Variants in GULP1 observed in about 807,000 individuals in gnomAD.
The protein encoded by GULP1 is PTB domain-containing engulfment adapter protein 1.
A neutral mutation model predicts 40.9 loss-of-function variants in GULP1; 19 were observed. The observed-to-expected ratio is 0.46, with a 90% CI of 0.32 to 0.68. The LOEUF (loss-of-function observed/expected upper bound fraction) is 0.68. GULP1 is among the 30% of genes least tolerant of loss of function. The pLI is 0.03. For synonymous variants in GULP1, 119 were observed against 117.6 expected (o/e 1.01, Z -0.08); for missense variants, 312 against 362.2 (o/e 0.86, Z 1.12).
chr2:188,370,006 T>G (rs1041444966), intron 1 of GULP1, among the ~76,000 whole-genome samples: 9 of 152,002 alleles, frequency 5.9e-5, no homozygotes, highest in Admixed American at 5.9e-4. Flanking sequence ...ACACACCTGG[T>G]TAATTTGTTT....
intron 1 of GULP1, among the ~76,000 whole-genome samples, chr2:188,359,456 A>T (rs1298970819): frequency 2.0e-5 from 3 of 152,136 alleles, no homozygotes; most frequent in Non-Finnish European, 4.4e-5. Flanking sequence ...CTATCTAACT[A>T]AGCCAAACTT....
At position 188,314,895 on chromosome 2, in the gene GULP1, C is replaced by G. The variant is rs186759507; in HGVS notation, c.-172+22729C>G. On this transcript the variant is annotated intron_variant, in intron 1 of 11. Transcript: ENST00000409830. ...CTAGCCATCCGTGCTGTCTGTGCTC[C>G]CCACCCATTAGTCACTTAGTAGCCA... Among the ~76,000 whole-genome samples, 198 of 152,208 alleles carry G rather than the reference C, an allele frequency of 1.3e-3. 1 individual carries two copies. Among genetic ancestry groups the G allele is most frequent in the African/African-American group, 4.0e-3 (165 of 41,546 alleles).
At chr2:188,399,434 C>G (rs909915462) in intron 2 of GULP1, among the ~76,000 whole-genome samples, 2 of 152,046 alleles carry the variant, frequency 1.3e-5, no homozygotes. Flanking sequence ...AAAAGACTGC[C>G]TGTACTAGGA....
intron 2 of GULP1, among the ~76,000 whole-genome samples, chr2:188,419,676 A>G (rs2055105000): frequency 6.6e-6 from 1 of 150,890 alleles, no homozygotes; most frequent in East Asian, 1.9e-4. Context: ...CGCATTGTTG[A>G]TTGTTTTCTT....
chr2:188,417,037 T>A (rs2054673918), intron 2 of GULP1, among the ~76,000 whole-genome samples: 1 of 152,198 alleles, frequency 6.6e-6, no homozygotes, highest in Admixed American at 6.5e-5. Flanking sequence ...AAAGTTAAAT[T>A]CCATTATAAA....
At chr2:188,355,385 G>T (rs1396452417) in intron 1 of GULP1, among the ~76,000 whole-genome samples, 1 of 152,016 alleles carries the variant, frequency 6.6e-6, no homozygotes, top group African/African-American at 2.4e-5. Context: ...AGAATCATTA[G>T]AGACTATTAT....
At chr2:188,478,673 T>TTTA (rs2061221509) in intron 3 of GULP1, among the ~76,000 whole-genome samples, 1 of 152,004 alleles carries the variant, frequency 6.6e-6, no homozygotes, top group South Asian at 2.1e-4. Context: ...ATCTAATACT[T>TTTA]TTATCATGAT....
chr2:188,403,512 A>C (rs992316078), intron 2 of GULP1, among the ~76,000 whole-genome samples: 5 of 152,210 alleles, frequency 3.3e-5, no homozygotes, highest in Non-Finnish European at 5.9e-5. Flanking sequence ...GGACTCTTCC[A>C]CTTATACTTC....
intron 2 of GULP1, among the ~76,000 whole-genome samples, chr2:188,395,858 G>A (rs1448169375): frequency 1.3e-5 from 2 of 152,138 alleles, no homozygotes; most frequent in Admixed American, 6.5e-5. Context: ...CAGCTCTGGT[G>A]GGGGTAGCAG....
intron 4 of GULP1, among the ~76,000 whole-genome samples, chr2:188,517,685 G>A (rs1375092723): frequency 1.3e-5 from 2 of 152,092 alleles, no homozygotes; most frequent in Non-Finnish European, 2.9e-5. Context: ...ACATGGAAAC[G>A]TTAACTGTCA....
intron 2 of GULP1, among the ~76,000 whole-genome samples, chr2:188,448,432 A>T (rs1012662855): frequency 6.6e-6 from 1 of 152,226 alleles, no homozygotes; most frequent in South Asian, 2.1e-4. Context: ...TAACAAAATT[A>T]TCTTCCTTTG....
chr2:188,324,665 T>A (rs945499415), intron 1 of GULP1, among the ~76,000 whole-genome samples: 3 of 151,994 alleles, frequency 2.0e-5, no homozygotes, highest in Admixed American at 1.3e-4. Flanking sequence ...CCTCCCTTAT[T>A]AGATGCATGT....
chr2:188,563,167 A>G lies in GULP1; in HGVS notation c.400-6072A>G, dbSNP rs1476572616. Among the ~76,000 whole-genome samples the G allele has an allele frequency of 2.6e-5, 4 of 152,212 alleles. No homozygotes were observed. The East Asian group carries it at 7.7e-4, about 29-fold the overall frequency. ...GTGGAAGGTTAAGAAACACTACAGT[A>G]GAATCAATGACATTGAAATTGGACA... On this transcript the variant is annotated intron_variant, in intron 7 of 11. Transcript: ENST00000409830.
intron 4 of GULP1, among the ~76,000 whole-genome samples, chr2:188,504,991 C>T (rs1164800851): frequency 2.0e-5 from 3 of 149,638 alleles, no homozygotes; most frequent in Non-Finnish European, 4.5e-5. Flanking sequence ...TTTTATCTTT[C>T]TGTATTTTAT....
At chr2:188,547,175 A>G (rs1692183816) in intron 7 of GULP1, among the ~76,000 whole-genome samples, 1 of 151,970 alleles carries the variant, frequency 6.6e-6, no homozygotes, top group Non-Finnish European at 1.5e-5. Flanking sequence ...TAAGAGGGAC[A>G]GAAACACTTT....
chr2:188,568,263 T>A (rs1220501193), intron 7 of GULP1, among the ~76,000 whole-genome samples: 2 of 152,184 alleles, frequency 1.3e-5, no homozygotes, highest in Admixed American at 1.3e-4. Context: ...ATTTTCAATA[T>A]ATATTACTAC....
intron 1 of GULP1, among the ~76,000 whole-genome samples, chr2:188,373,365 TTTTTGGTTCTTTATA>T (rs2047867316): frequency 6.6e-6 from 1 of 151,888 alleles, no homozygotes; most frequent in African/African-American, 2.4e-5. Context: ...TAGAGATACA[TTTTTGGTTCTTTATA>T]TTTTGGTTCT....
intron 2 of GULP1, among the ~76,000 whole-genome samples, chr2:188,445,423 A>G (rs1015467593): frequency 6.6e-6 from 1 of 152,214 alleles, no homozygotes; most frequent in Non-Finnish European, 1.5e-5. Flanking sequence ...AGGACTGTCT[A>G]TCTACTCTAT....
At chr2:188,459,215 G>C (rs2152954374) in intron 2 of GULP1, among the ~76,000 whole-genome samples, 1 of 152,310 alleles carries the variant, frequency 6.6e-6, no homozygotes, top group Admixed American at 6.5e-5. Flanking sequence ...ATACATAGCA[G>C]TGGGATTGCT....
Sources: gnomAD v4.1 joint callset for allele counts (sites outside exome capture counted in the v4.1 genomes callset) on GRCh38, gnomAD v4.1.1 for gene constraint, MANE v1.5 for transcripts, NCBI Gene and HGNC (gene_info 2026-07-23, HGNC 2026-07-21) for gene names.